Variants in SPAG17 observed in about 807,000 individuals in gnomAD.
The protein encoded by SPAG17 is sperm associated antigen 17, also known as sperm-associated antigen 17.
A neutral mutation model predicts 273.6 loss-of-function variants in SPAG17; 169 were observed. The ratio of observed to expected loss-of-function variants is 0.62; its 90% CI spans 0.55 to 0.70. SPAG17 has a LOEUF of 0.70. SPAG17 is among the 30% of genes least tolerant of loss of function. The pLI is 0.00. For synonymous variants in SPAG17, 825 were observed against 873.2 expected (o/e 0.94, Z 0.97); for missense variants, 2,557 against 2,627.8 (o/e 0.97, Z 0.59).
At chr1:118,084,102 G>A (rs1654811574) in intron 13 of SPAG17, among the ~76,000 whole-genome samples, 1 of 152,072 alleles carries the variant, frequency 6.6e-6, no homozygotes, top group South Asian at 2.1e-4. Context: ...GCCAGAAGGA[G>A]AAGTGGAGGG....
chr1:118,016,683 TGGATCTGGGAAACCTCACCAGCCACGC>T (rs1660014109), intron 28 of SPAG17, among the ~76,000 whole-genome samples: 1 of 152,218 alleles, frequency 6.6e-6, no homozygotes, highest in Non-Finnish European at 1.5e-5. Flanking sequence ...TCTTCAACCC[TGGATCTGGGAAACCTCACCAGCCACGC>T]ATATCCCTGG....
At chr1:118,171,062 C>T (rs1660395372) in intron 1 of SPAG17, among the ~76,000 whole-genome samples, 1 of 152,052 alleles carries the variant, frequency 6.6e-6, no homozygotes, top group Non-Finnish European at 1.5e-5. Context: ...CTTTTAAAAA[C>T]CTAGGGATCA....
intron 10 of SPAG17, among the ~76,000 whole-genome samples, chr1:118,087,713 T>C (rs965429928): frequency 1.3e-5 from 2 of 152,220 alleles, no homozygotes; most frequent in Admixed American, 1.3e-4. Context: ...GGTTGAAACA[T>C]AATCAAGTTA....
chr1:117,976,373 T>C (rs1225297805), intron 43 of SPAG17, among the ~76,000 whole-genome samples: 1 of 152,234 alleles, frequency 6.6e-6, no homozygotes, highest in African/African-American at 2.4e-5. Context: ...CTTGTTACCA[T>C]GCTGAGGAAG....
intron 48 of SPAG17, chr1:117,959,270 T>C: frequency 6.3e-7 from 1 of 1,595,430 alleles, no homozygotes; most frequent in Non-Finnish European, 8.5e-7. Context: ...AATTTTTTAA[T>C]ATTTCTTGTA....
chr1:118,056,377 C>T (rs1651675905), intron 18 of SPAG17, among the ~76,000 whole-genome samples: 1 of 152,126 alleles, frequency 6.6e-6, no homozygotes, highest in Non-Finnish European at 1.5e-5. Flanking sequence ...ATTAACTAAA[C>T]CACTATAGCT....
chr1:117,992,573 C>T lies in SPAG17; in HGVS notation c.5254G>A (p.Ala1752Thr), dbSNP rs1047464651. 24 of 1,613,720 alleles carry T rather than the reference C, an allele frequency of 1.5e-5. No individual in the cohort carries two copies. The highest frequency in any genetic ancestry group is 1.9e-5 in the Non-Finnish European group (22 of 1,179,854). Residue 1752 changes from alanine (A) to threonine (T), a missense_variant, in exon 36 of 49, where the codon GCC becomes ACC. By Grantham distance (58) the Ala-to-Thr change is moderately conservative. Transcript: ENST00000336338. ...GGGCTCTTGAGTATGGCACCCGGGGCACTCACTAGCTGTTTGGACTCAATG... is the reference window on the plus strand; with the variant it reads ...GGGCTCTTGAGTATGGCACCCGGGGTACTCACTAGCTGTTTGGACTCAATG... Reference protein sequence around the residue: ...LCIESKQLVSAPGAILKSPSV... With the variant: ...LCIESKQLVSTPGAILKSPSV...
chr1:118,049,571 C>A (rs554802065), intron 20 of SPAG17, among the ~76,000 whole-genome samples: 37 of 152,096 alleles, frequency 2.4e-4, no homozygotes, highest in Non-Finnish European at 4.6e-4. Flanking sequence ...GGAAATGTAT[C>A]TCAACACAAT....
chr1:118,062,864 A>T (rs1445741588), intron 18 of SPAG17, among the ~76,000 whole-genome samples: 1 of 152,204 alleles, frequency 6.6e-6, no homozygotes, highest in Non-Finnish European at 1.5e-5. Context: ...AGCAAGTATT[A>T]ATGAATTCAT....
In SPAG17 at chr1:117,953,663, T is replaced by C; in HGVS notation, c.*387A>G. On this transcript the variant is annotated 3_prime_UTR_variant, in exon 49 of 49. Coordinates refer to ENST00000336338, the MANE Select transcript of SPAG17 (RefSeq NM_206996.4). The stretch of plus-strand genomic sequence containing the variant: ...GCAAAAAGTTGATGAGATTTAAAGA[T>C]GGGGATTATAACCTGTTTCCTTCTC... 2 of 888,000 alleles carry C rather than the reference T, an allele frequency of 2.3e-6. No homozygotes were observed. The highest frequency in any genetic ancestry group is 3.4e-6 in the Non-Finnish European group (2 of 580,328). The allele number at this position is 888,000 out of a possible 1,614,324, so 55.0% of individuals were successfully genotyped here.
intron 15 of SPAG17, among the ~76,000 whole-genome samples, chr1:118,077,495 G>A (rs1654198382): frequency 6.6e-6 from 1 of 151,980 alleles, no homozygotes; most frequent in Admixed American, 6.6e-5. Context: ...TTGACCACCA[G>A]GTGGCAAAAG....
intron 3 of SPAG17, among the ~76,000 whole-genome samples, chr1:118,117,582 G>A (rs1254014190): frequency 6.6e-6 from 1 of 152,198 alleles, no homozygotes; most frequent in African/African-American, 2.4e-5. Flanking sequence ...CAGGAGATGA[G>A]GGGCTTCACC....
At chr1:117,987,491 G>A (rs1039519898) in intron 40 of SPAG17, among the ~76,000 whole-genome samples, 7 of 152,202 alleles carry the variant, frequency 4.6e-5, no homozygotes, top group Non-Finnish European at 1.0e-4. Flanking sequence ...ATAATGCTTA[G>A]AGCACATTCC....
At chr1:118,068,136 G>A (rs1450020546) in intron 17 of SPAG17, among the ~76,000 whole-genome samples, 1 of 150,744 alleles carries the variant, frequency 6.6e-6, no homozygotes, top group African/African-American at 2.4e-5. Flanking sequence ...TGAAGGCATG[G>A]AGTGATATAT....
chr1:118,162,434 C>G (rs1659973892), intron 1 of SPAG17, among the ~76,000 whole-genome samples: 1 of 152,050 alleles, frequency 6.6e-6, no homozygotes, highest in Admixed American at 6.6e-5. Flanking sequence ...CTAATATTTA[C>G]TGAGGGGTTA....
intron 47 of SPAG17, 78 bp downstream of exon 47, chr1:117,966,531 A>C (rs1395425905): frequency 5.4e-6 from 7 of 1,302,402 alleles, no homozygotes; most frequent in African/African-American, 1.5e-5. Flanking sequence ...GTAGAGATGC[A>C]TTTTGACTTC....
intron 18 of SPAG17, among the ~76,000 whole-genome samples, chr1:118,058,242 C>G (rs1235251319): frequency 6.6e-6 from 1 of 152,148 alleles, no homozygotes; most frequent in Non-Finnish European, 1.5e-5. Context: ...AGGTCTTGCT[C>G]TGTAACCCAG....
At chr1:117,997,786 C>G (rs764103724) in intron 32 of SPAG17, among the ~76,000 whole-genome samples, 17 of 152,022 alleles carry the variant, frequency 1.1e-4, no homozygotes, top group Admixed American at 2.0e-4. Context: ...CTTTATAAAA[C>G]GACATTGAAA....
Position 118,101,869 on chromosome 1 carries a change from C to T in SPAG17, c.505G>A (p.Glu169Lys). The change falls in exon 5 of 49, where the codon GAG becomes AAG. Residue 169 changes from glutamate to lysine, a missense_variant. Coordinates refer to ENST00000336338, the MANE Select transcript of SPAG17 (RefSeq NM_206996.4). ...GGCTTGGCACTTGGAGCCTTTTTCT[C>T]CTTGGGAGATTTTGCTTTCCCTTTA... ...KDKGKAKSPKEKKAPSAKPAK... is the reference protein window; with the variant it reads ...KDKGKAKSPKKKKAPSAKPAK... 6.2e-7 allele frequency: 1 copy of T among 1,613,956 alleles called. No individual in the cohort carries two copies. The highest frequency in any genetic ancestry group is 8.5e-7 in the Non-Finnish European group (1 of 1,179,930).
Sources: gnomAD v4.1 joint callset for allele counts (sites outside exome capture counted in the v4.1 genomes callset) on GRCh38, gnomAD v4.1.1 for gene constraint, MANE v1.5 for transcripts, NCBI Gene and HGNC (gene_info 2026-07-23, HGNC 2026-07-21) for gene names.